Variants in FRMD4B observed in about 807,000 individuals in gnomAD.
FRMD4B encodes the protein FERM domain containing 4B.
Under a neutral mutation model 141.5 loss-of-function variants are expected in FRMD4B, and 74 were observed. The observed-to-expected ratio is 0.52, with a 90% CI of 0.43 to 0.63. FRMD4B has a LOEUF of 0.63. Among genes scored for constraint, FRMD4B ranks in the 30% least tolerant of loss-of-function variants. The probability of loss-of-function intolerance (pLI) is 0.00; values close to 1 mark genes in which losing one functional copy is unlikely to be tolerated. For missense variants in FRMD4B, 1,366 were observed against 1,253.4 expected, an observed-to-expected ratio of 1.09 and a Z score of -1.36; for synonymous variants, 506 against 467.9, an observed-to-expected ratio of 1.08 and a Z score of -1.05.
At chr3:69,203,237 G>A (rs1362689932) in intron 11 of FRMD4B, among the ~76,000 whole-genome samples, 1 of 128,626 alleles carries the variant, frequency 7.8e-6, no homozygotes, top group Non-Finnish European at 1.6e-5. Context: ...TAGACTTAAA[G>A]AACTACAAGA....
At chr3:69,437,874 GTAGTA>G (rs1705284877) in intron 1 of FRMD4B, among the ~76,000 whole-genome samples, 2 of 124,598 alleles carry the variant, frequency 1.6e-5, no homozygotes, top group African/African-American at 6.6e-5. Flanking sequence ...TAGTATATAT[GTAGTA>G]TATATACTAT....
chr3:69,276,373 A>T (rs35233461), intron 5 of FRMD4B, among the ~76,000 whole-genome samples: 1 of 151,910 alleles, frequency 6.6e-6, no homozygotes, highest in Non-Finnish European at 1.5e-5. Flanking sequence ...CCTGGGCTCA[A>T]GTGATCCGCC....
rs530567531 is a variant in FRMD4B at position 69,374,790 on chromosome 3, T to C, written c.162+11038A>G. Among the ~76,000 whole-genome samples, 3 of 152,304 alleles carry C rather than the reference T, an allele frequency of 2.0e-5. No homozygotes were observed. The South Asian group carries it at 6.2e-4, about 32-fold the overall frequency. ...TAAAACCATGTGCCCACAGTGTGTC[T>C]ACACAGTGGTCAGTGGGCCCCTTTC... On this transcript the variant is annotated intron_variant, in intron 1 of 22. Transcript: ENST00000398540.
At chr3:69,200,535 G>C in intron 11 of FRMD4B, 2 of 1,106,822 alleles carry the variant, frequency 1.8e-6, no homozygotes, top group Non-Finnish European at 2.2e-6. Flanking sequence ...AGACACTTAG[G>C]TGTAACTCAA....
chr3:69,307,097 TC>T (rs1027050225), intron 3 of FRMD4B, among the ~76,000 whole-genome samples: 32 of 151,954 alleles, frequency 2.1e-4, no homozygotes, highest in African/African-American at 7.7e-4. Context: ...AGGAGACACC[TC>T]CCCAAACTGG....
chr3:69,456,751 G>T (rs1322136785), intron 1 of FRMD4B, among the ~76,000 whole-genome samples: 1 of 139,950 alleles, frequency 7.1e-6, no homozygotes, highest in African/African-American at 2.7e-5. Context: ...AAAAAAAAAA[G>T]CATATGTCTG....
At chr3:69,199,329 C>G (rs9838728) in intron 11 of FRMD4B, 124,817 of 152,458 alleles carry the variant, frequency 0.82, 55,270 homozygotes, top group Non-Finnish European at 0.99. Flanking sequence ...AACCAACCAT[C>G]TGTGGAAGAA....
chr3:69,212,976 G>C (rs774788251), intron 11 of FRMD4B, among the ~76,000 whole-genome samples: 1 of 151,270 alleles, frequency 6.6e-6, no homozygotes, highest in Non-Finnish European at 1.5e-5. Context: ...TGTTTGACTG[G>C]GTTTTTTTAT....
At chr3:69,466,593 C>G (rs563865402) in intron 1 of FRMD4B, among the ~76,000 whole-genome samples, 9 of 152,272 alleles carry the variant, frequency 5.9e-5, no homozygotes, top group Non-Finnish European at 1.3e-4. Context: ...ATTGTTGAAA[C>G]CTGCATGCTG....
At chr3:69,341,198 G>C (rs1343354120) in intron 1 of FRMD4B, among the ~76,000 whole-genome samples, 5 of 152,200 alleles carry the variant, frequency 3.3e-5, no homozygotes, top group African/African-American at 1.2e-4. Flanking sequence ...AGGGCTGTTT[G>C]CATCTCAAGG....
At chr3:69,195,403 G>A in intron 14 of FRMD4B, 39 bp from the exon 15 acceptor site, 3 of 1,542,788 alleles carry the variant, frequency 1.9e-6, no homozygotes, top group Non-Finnish European at 2.6e-6. Flanking sequence ...TTTATACAAG[G>A]GATGTTTCCT....
rs140243826 is a variant in FRMD4B, at chr3:69,449,206, C to T, written c.-128-16445G>A. On this transcript the variant is annotated intron_variant, in intron 1 of 5. Coordinates refer to the FRMD4B transcript ENST00000459638. ...TATTTTAACTCTAACATTACCTCAGCGACCTCCATACTGCACAACCACTAA... is the reference window on the plus strand; with the variant it reads ...TATTTTAACTCTAACATTACCTCAGTGACCTCCATACTGCACAACCACTAA... Among the ~76,000 whole-genome samples the T allele has an allele frequency of 3.5e-3, 530 of 152,272 alleles. 4 individuals are homozygous for T. Among genetic ancestry groups the T allele is most frequent in the African/African-American group, 0.012 (494 of 41,566 alleles).
At chr3:69,319,411 TA>T (rs997380925) in intron 1 of FRMD4B, among the ~76,000 whole-genome samples, 4 of 152,144 alleles carry the variant, frequency 2.6e-5, no homozygotes, top group Admixed American at 2.0e-4. Flanking sequence ...TTTTCCTATT[TA>T]AAAAAACACA....
intron 17 of FRMD4B, 63 bp from the exon 18 acceptor site, chr3:69,190,015 A>T: frequency 3.3e-6 from 3 of 895,552 alleles, no homozygotes; most frequent in Non-Finnish European, 5.5e-6. Context: ...GGGGTCTTAG[A>T]TAAACAATTT....
intron 1 of FRMD4B, among the ~76,000 whole-genome samples, chr3:69,318,581 C>T (rs956657448): frequency 6.6e-6 from 1 of 152,162 alleles, no homozygotes; most frequent in Admixed American, 6.6e-5. Context: ...GCGCAGCACA[C>T]ATGGTGTTCA....
intron 22 of FRMD4B, among the ~76,000 whole-genome samples, chr3:69,173,999 C>T (rs4358306): frequency 0.85 from 129,131 of 151,904 alleles, 57,567 homozygotes; most frequent in Non-Finnish European, 0.99. Context: ...TAGCCAGATG[C>T]GGTGGTATGC....
intron 4 of FRMD4B, among the ~76,000 whole-genome samples, chr3:69,301,505 T>G (rs1370983948): frequency 6.6e-6 from 1 of 151,982 alleles, no homozygotes; most frequent in Non-Finnish European, 1.5e-5. Flanking sequence ...TTTTTGTGTA[T>G]TTTTAGTAGA....
intron 2 of FRMD4B, among the ~76,000 whole-genome samples, chr3:69,396,068 G>A (rs1463544410): frequency 6.6e-6 from 1 of 152,198 alleles, no homozygotes; most frequent in Non-Finnish European, 1.5e-5. Context: ...TTGGTTGTCT[G>A]TCCACCACCT....
In FRMD4B at chr3:69,169,307, A is replaced by T. The variant is rs2092563649; in HGVS notation, c.*2554T>A. Among the ~76,000 whole-genome samples the T allele has an allele frequency of 6.6e-6, 1 of 150,444 alleles. No homozygotes were observed. Among genetic ancestry groups the T allele is most frequent in the Admixed American group, 6.6e-5 (1 of 15,146 alleles). ...GCGGTTGAGAAATGTTTTTCAAAAGAGACGAAGAAAACCGTGCAGTAGGAT... is the reference window on the plus strand; with the variant it reads ...GCGGTTGAGAAATGTTTTTCAAAAGTGACGAAGAAAACCGTGCAGTAGGAT... On this transcript the variant is annotated 3_prime_UTR_variant, in exon 23 of 23. Transcript: ENST00000398540.
Sources: gnomAD v4.1 joint callset for allele counts (sites outside exome capture counted in the v4.1 genomes callset) on GRCh38, gnomAD v4.1.1 for gene constraint, MANE v1.5 for transcripts, NCBI Gene and HGNC (gene_info 2026-07-23, HGNC 2026-07-21) for gene names.